The following MGST2 variants were observed in gnomAD, a reference collection of about 807,000 sequenced individuals.
The protein encoded by MGST2 is glutathione peroxidase MGST2.
MGST2 carries 9 observed loss-of-function variants against 16.6 expected under a neutral mutation model. The observed-to-expected ratio is 0.54, with a 90% CI of 0.33 to 0.95. MGST2 has a LOEUF of 0.95. Among genes scored for constraint, MGST2 ranks in the 40% least tolerant of loss-of-function variants. The pLI, the probability that MGST2 is intolerant of heterozygous loss-of-function variation, is 0.03. For missense variants in MGST2, 159 were observed against 175.1 expected (o/e 0.91, Z 0.52); for synonymous variants, 79 against 68.0 (o/e 1.16, Z -0.79).
chr4:139,717,209 TC>T (rs934646262), intron 5 of MGST2: 1 of 152,584 alleles, frequency 6.6e-6, no homozygotes, highest in Admixed American at 6.6e-5. Flanking sequence ...TATTAGTTGG[TC>T]CCAGTACTGA....
At chr4:139,739,679 G>T (rs1579379883) in intron 5 of MGST2, among the ~76,000 whole-genome samples, 5 of 132,330 alleles carry the variant, frequency 3.8e-5, no homozygotes, top group East Asian at 2.3e-4. Flanking sequence ...GAGGAAAGCA[G>T]TTTTTTTTTT....
In MGST2 at chr4:139,713,641, GT is replaced by G. The variant is rs1727826533; in HGVS notation, c.*48+9447del. The stretch of plus-strand genomic sequence containing the variant: ...AATTAAGCTGACTTCTAACCATAGT[GT>G]TCTTTAAAAAAGAAATACTTTTGGA... On this transcript the variant is annotated intron_variant, in intron 5 of 5. Transcript: ENST00000616265. Among the ~76,000 whole-genome samples, 5 of 152,122 alleles carry G rather than the reference GT, an allele frequency of 3.3e-5. No homozygotes were observed. In the South Asian group the frequency reaches 1.0e-3, roughly 31 times the overall value.
chr4:139,729,743 T>C (rs974596598), intron 5 of MGST2, among the ~76,000 whole-genome samples: 2 of 152,214 alleles, frequency 1.3e-5, no homozygotes, highest in Admixed American at 1.3e-4. Flanking sequence ...GGGAAGGCTT[T>C]CTCTCAAAGC....
intron 5 of MGST2, among the ~76,000 whole-genome samples, chr4:139,730,124 C>A (rs1418445377): frequency 6.6e-6 from 1 of 152,164 alleles, no homozygotes; most frequent in African/African-American, 2.4e-5. Context: ...GACCCCTGTA[C>A]CAGAAATCAG....
chr4:139,688,013 T>C (rs1726340624), intron 2 of MGST2, among the ~76,000 whole-genome samples: 1 of 152,228 alleles, frequency 6.6e-6, no homozygotes, highest in Admixed American at 6.5e-5. Flanking sequence ...TTGATCCCTT[T>C]AGAGTAAAGT....
At chr4:139,750,746 C>T in the MGST2 span, among the ~76,000 whole-genome samples, 1 of 152,148 alleles carries the variant, frequency 6.6e-6, no homozygotes, top group Non-Finnish European at 1.5e-5. Context: ...TCCTAAGGCA[C>T]TCTATTTTGA....
intron 5 of MGST2, among the ~76,000 whole-genome samples, chr4:139,729,437 T>C (rs941500192): frequency 3.9e-5 from 6 of 152,114 alleles, no homozygotes; most frequent in Non-Finnish European, 8.8e-5. Context: ...CTGGTCAACA[T>C]AGTGCGACCC....
chr4:139,698,291 T>G, intron 3 of MGST2: 2 of 1,259,636 alleles, frequency 1.6e-6, no homozygotes, highest in Non-Finnish European at 2.3e-6. Context: ...CACCGATAGC[T>G]GCGCTCTGGA....
the MGST2 span, among the ~76,000 whole-genome samples, chr4:139,747,945 T>G: frequency 6.7e-6 from 1 of 149,614 alleles, no homozygotes; most frequent in Non-Finnish European, 1.5e-5. Flanking sequence ...TCCCAGCTAC[T>G]TGGGAGGCTG....
intron 1 of MGST2, among the ~76,000 whole-genome samples, chr4:139,676,643 A>C (rs1290187037): frequency 6.6e-6 from 1 of 152,184 alleles, no homozygotes; most frequent in East Asian, 1.9e-4. Flanking sequence ...ACATCTAAAA[A>C]AACACCTTCA....
rs1429138334 is a variant in MGST2 at position 139,735,098 on chromosome 4, C to T, written c.*49-5114C>T. On this transcript the variant is annotated intron_variant, in intron 5 of 5. Transcript: ENST00000616265. This position sits in a 1 kb window ranked among gnomAD's most constrained non-coding sequence, Gnocchi z 5.8. ...GCGGCCCCCGCCCCGCGCGTCTGGG[C>T]GAGCGCTGCGAACGTGGAGCCAGGC... is the stretch of plus-strand genomic sequence containing the variant. 6.6e-6 allele frequency among the ~76,000 whole-genome samples: 1 copy of T among 152,210 alleles called. No individual in the cohort carries two copies. Among genetic ancestry groups the T allele is most frequent in the Non-Finnish European group, 1.5e-5 (1 of 68,036 alleles).
chr4:139,721,314 C>T (rs1164869551), intron 5 of MGST2, among the ~76,000 whole-genome samples: 5 of 152,192 alleles, frequency 3.3e-5, no homozygotes, highest in African/African-American at 4.8e-5. Flanking sequence ...GCCAGTAGAA[C>T]ACCAGTCAAC....
chr4:139,686,199 T>A (rs1021912091), intron 2 of MGST2, among the ~76,000 whole-genome samples: 2 of 152,170 alleles, frequency 1.3e-5, no homozygotes, highest in African/African-American at 4.8e-5. Context: ...ATAGGTAGAT[T>A]TAAAATTTTT....
At chr4:139,706,829 T>C (rs897272855), downstream of MGST2, among the ~76,000 whole-genome samples, 1 of 152,224 alleles carries the variant, frequency 6.6e-6, no homozygotes, top group African/African-American at 2.4e-5. Context: ...TTTGATTATT[T>C]TCATTCCTAT....
rs1193139712 is a variant in MGST2, at chr4:139,703,504, C to T, written c.279C>T (p.Tyr93=). 1.9e-6 allele frequency: 3 copies of T among 1,613,776 alleles called. No homozygotes were observed. The highest frequency in any genetic ancestry group is 2.7e-5 in the African/African-American group (2 of 74,812). Residue 93 remains tyrosine (Y), a synonymous_variant, in exon 4 of 5, where the codon TAC becomes TAT. Transcript: ENST00000265498. ...TGTACATATATGGCCGTCACCTATA[C>T]TTCTGGGGATATTCAGAAGCTGCTA... ...GLVYIYGRHL[Y]FWGYSEAAKK... is the part of the protein sequence containing the mutation.
At position 139,736,732 on chromosome 4, in the gene MGST2, C is replaced by G. The variant is rs143641748; in HGVS notation, c.*49-3480C>G. On this transcript the variant is annotated intron_variant, in intron 5 of 5. Transcript: ENST00000616265. ...CTTGTTAGAAATGCAAATTCCCAGG[C>G]TCCCCTCTAGGCCTCCTGAATTAGA... is the stretch of plus-strand genomic sequence containing the variant. Among the ~76,000 whole-genome samples the G allele has an allele frequency of 1.8e-3, 279 of 152,292 alleles. 1 individual carries two copies. Among genetic ancestry groups the G allele is most frequent in the African/African-American group, 6.4e-3 (268 of 41,564 alleles).
intron 5 of MGST2, among the ~76,000 whole-genome samples, chr4:139,710,696 A>G (rs1409529203): frequency 6.6e-6 from 1 of 152,196 alleles, no homozygotes; most frequent in East Asian, 1.9e-4. Context: ...AAGGGTAGCG[A>G]TGGCCTCTTC....
At chr4:139,743,634 C>A (rs1729230346), downstream of MGST2, among the ~76,000 whole-genome samples, 1 of 152,168 alleles carries the variant, frequency 6.6e-6, no homozygotes, top group Admixed American at 6.5e-5. Flanking sequence ...AACTTGAAAT[C>A]TGTCTCAGAT....
intron 1 of MGST2, 116 bp downstream of exon 1, chr4:139,666,193 C>G: frequency 8.9e-7 from 1 of 1,123,490 alleles, no homozygotes; most frequent in Non-Finnish European, 1.3e-6. Context: ...TTGTTTCCTA[C>G]TTGCCCTTGC....
Sources: gnomAD v4.1 joint callset for allele counts (sites outside exome capture counted in the v4.1 genomes callset) on GRCh38, gnomAD v4.1.1 for gene constraint, Gnocchi (gnomAD v3.1) non-coding constraint, MANE v1.5 for transcripts, NCBI Gene and HGNC (gene_info 2026-07-23, HGNC 2026-07-21) for gene names.